Variants in FGGY observed in about 807,000 individuals in gnomAD.
FGGY encodes the protein FGGY carbohydrate kinase domain-containing protein.
FGGY carries 72 observed loss-of-function variants against 71.3 expected under a neutral mutation model. That is an observed-to-expected ratio of 1.01 (90% CI 0.84 to 1.23). The LOEUF (loss-of-function observed/expected upper bound fraction) is 1.23, where lower values mean the gene tolerates loss of function less well. Among genes scored for constraint, FGGY ranks in the 50% most tolerant of loss-of-function variants. FGGY has a pLI of 0.00. For synonymous variants in FGGY, 251 were observed against 250.3 expected, an observed-to-expected ratio of 1.00 and a Z score of -0.02; for missense variants, 668 against 682.3, an observed-to-expected ratio of 0.98 and a Z score of 0.23.
intron 11 of FGGY, among the ~76,000 whole-genome samples, chr1:59,650,012 G>A (rs2097141031): frequency 1.3e-5 from 2 of 148,550 alleles, no homozygotes; most frequent in South Asian, 2.1e-4. Flanking sequence ...AGATAATCAT[G>A]TGGTTTTTGT....
At chr1:59,551,312 G>T (rs778960621) in intron 7 of FGGY, among the ~76,000 whole-genome samples, 10 of 152,164 alleles carry the variant, frequency 6.6e-5, no homozygotes, top group Non-Finnish European at 1.5e-4. Flanking sequence ...TAGCAGCAGT[G>T]AATCTGCCAA....
At chr1:59,424,606 A>T (rs1388862827) in intron 5 of FGGY, among the ~76,000 whole-genome samples, 1 of 152,206 alleles carries the variant, frequency 6.6e-6, no homozygotes, top group African/African-American at 2.4e-5. Flanking sequence ...TATGCAATTT[A>T]GTTCAGCTTG....
At chr1:59,714,041 C>T (rs1050365306) in intron 14 of FGGY, among the ~76,000 whole-genome samples, 1 of 152,180 alleles carries the variant, frequency 6.6e-6, no homozygotes, top group Non-Finnish European at 1.5e-5. Flanking sequence ...CCATCAGCAG[C>T]TCCTTGGAAA....
intron 5 of FGGY, among the ~76,000 whole-genome samples, chr1:59,397,911 T>C (rs1025515004): frequency 6.6e-6 from 1 of 152,170 alleles, no homozygotes; most frequent in Admixed American, 6.5e-5. Context: ...CTTTGACCTT[T>C]GAAATAGCAT....
In FGGY at chr1:59,526,731, G is replaced by A. The variant is rs902248020; in HGVS notation, c.799+14292G>A. 5.9e-5 allele frequency among the ~76,000 whole-genome samples: 9 copies of A among 152,154 alleles called. 1 individual carries two copies. The highest frequency in any genetic ancestry group is 1.2e-4 in the Non-Finnish European group (8 of 68,020). ...AGGAACATTTTGGTGTGGCCACCTC[G>A]CCATTCAAATGTGCGAGAGGGGCAG... On this transcript the variant is annotated intron_variant, in intron 7 of 15. Transcript: ENST00000303721.
chr1:59,555,218 C>CCCCCCAATGTAGATACA (rs1553287360), intron 8 of FGGY, among the ~76,000 whole-genome samples: 1 of 152,102 alleles, frequency 6.6e-6, no homozygotes, highest in Non-Finnish European at 1.5e-5. Flanking sequence ...TAATGTGAGG[C>CCCCCCAATGTAGATACA]CCCCCAATGT....
Position 59,638,325 on chromosome 1 carries a change from G to T in FGGY, c.1171G>T (p.Asp391Tyr), listed in dbSNP as rs756048706. The change falls in exon 11 of 16, where the codon GAT becomes TAT. Residue 391 changes from aspartate to tyrosine, a missense_variant. Asp to Tyr is a radical substitution (Grantham distance 160). This residue lies in a region of FGGY where 661 missense variants were observed against 661.6 expected (regional missense o/e 1.00). Coordinates refer to ENST00000303721, the MANE Select transcript of FGGY (RefSeq NM_018291.5). ...FLTVDLHVWP[D>Y]FHGNRSPLAD... is the part of the protein sequence containing the mutation. ...TACTGTTGATTTACATGTTTGGCCA[G>T]ATTTCCATGGCAACCGGTCTCCCTT... The T allele has an allele frequency of 2.5e-6, 4 of 1,614,226 alleles. No homozygotes were observed. The highest frequency in any genetic ancestry group is 1.1e-5 in the South Asian group (1 of 91,086).
intron 1 of FGGY, among the ~76,000 whole-genome samples, chr1:59,304,500 T>C (rs186752593): frequency 1.3e-5 from 2 of 152,238 alleles, no homozygotes; most frequent in Admixed American, 1.3e-4. Context: ...AATTGGGAAG[T>C]GTGATGTCTC....
chr1:59,691,926 A>G lies in FGGY; in HGVS notation c.1512+17793A>G, dbSNP rs147540025. 3.8e-3 allele frequency among the ~76,000 whole-genome samples: 575 copies of G among 152,322 alleles called. 5 individuals are homozygous for G. The highest frequency in any genetic ancestry group is 0.013 in the African/African-American group (558 of 41,560). ...GCCTCAAGAGTAAGAATCTTGCTCA[A>G]GTGATTTTTGTATCTCCAATGGCTA... On this transcript the variant is annotated intron_variant, in intron 14 of 15. Coordinates refer to ENST00000303721, the MANE Select transcript of FGGY (RefSeq NM_018291.5).
At chr1:59,612,997 C>T (rs2096706962) in intron 9 of FGGY, among the ~76,000 whole-genome samples, 1 of 152,178 alleles carries the variant, frequency 6.6e-6, no homozygotes, top group Non-Finnish European at 1.5e-5. Context: ...ATTCATAAAG[C>T]AAGTCCTTAG....
At chr1:59,446,295 C>T (rs1210631613) in intron 5 of FGGY, among the ~76,000 whole-genome samples, 3 of 152,138 alleles carry the variant, frequency 2.0e-5, no homozygotes, top group African/African-American at 7.2e-5. Flanking sequence ...AAAATTCCCT[C>T]AACTCGATTA....
chr1:59,607,894 G>T lies in FGGY; in HGVS notation c.995G>T (p.Ser332Ile). The T allele has an allele frequency of 6.2e-7, 1 of 1,613,920 alleles. No individual in the cohort carries two copies. The highest frequency in any genetic ancestry group is 8.5e-7 in the Non-Finnish European group (1 of 1,179,826). ...PGFWLNEGGQ[S>I]VTGKLIDHMV... ...TTCTGGCTGAATGAAGGTGGTCAGA[G>T]CGTTACTGGAAAATTGGTAAGTTGA... The change falls in exon 9 of 16, where the codon AGC becomes ATC. Residue 332 changes from serine to isoleucine, a missense_variant. By Grantham distance (142) the Ser-to-Ile change is moderately radical (BLOSUM62 -2). Around this residue, in one of 2 missense-constraint regions of FGGY, gnomAD observed 661 missense variants for 661.6 expected, o/e 1.00. Transcript: ENST00000303721.
chr1:59,470,025 G>T (rs939496306), intron 6 of FGGY, among the ~76,000 whole-genome samples: 2 of 152,110 alleles, frequency 1.3e-5, no homozygotes, highest in African/African-American at 4.8e-5. Context: ...TTGATTCCAT[G>T]TCTTTGCTAT....
intron 4 of FGGY, among the ~76,000 whole-genome samples, chr1:59,369,031 C>T (rs1200051627): frequency 6.6e-6 from 1 of 152,180 alleles, no homozygotes; most frequent in Non-Finnish European, 1.5e-5. Context: ...GTACTAGGTT[C>T]ATCTCACTAG....
chr1:59,442,115 G>C (rs538507182), intron 5 of FGGY, among the ~76,000 whole-genome samples: 1 of 152,298 alleles, frequency 6.6e-6, no homozygotes, highest in African/African-American at 2.4e-5. Flanking sequence ...GAGGCAGTTT[G>C]TATAGTTGTG....
intron 5 of FGGY, among the ~76,000 whole-genome samples, chr1:59,424,157 G>T (rs1055610831): frequency 1.3e-5 from 2 of 152,248 alleles, no homozygotes; most frequent in African/African-American, 2.4e-5. Flanking sequence ...GAACTTGTGT[G>T]TCTTCAGTAC....
At chr1:59,437,630 C>A (rs2068764350) in intron 5 of FGGY, among the ~76,000 whole-genome samples, 1 of 152,196 alleles carries the variant, frequency 6.6e-6, no homozygotes, top group African/African-American at 2.4e-5. Context: ...ATGCAGCTCG[C>A]TCTGGAGATT....
At chr1:59,681,647 T>C (rs763563968) in intron 14 of FGGY, among the ~76,000 whole-genome samples, 1 of 152,216 alleles carries the variant, frequency 6.6e-6, no homozygotes, top group Non-Finnish European at 1.5e-5. Context: ...GAAATAGGTT[T>C]TTTTTCTTTA....
chr1:59,319,207 C>G (rs184924886), intron 1 of FGGY, among the ~76,000 whole-genome samples: 1 of 152,040 alleles, frequency 6.6e-6, no homozygotes, highest in Non-Finnish European at 1.5e-5. Context: ...TTTAGAGAAG[C>G]TAAATATGGA....
Sources: allele counts gnomAD v4.1 joint callset (sites outside exome capture counted in the v4.1 genomes callset), GRCh38; gene constraint gnomAD v4.1.1; regional missense constraint gnomAD v4.1.1; transcripts MANE v1.5; gene names NCBI Gene and HGNC (gene_info 2026-07-23, HGNC 2026-07-21).